LRRIQ1: variants seen among roughly 807,000 people sequenced by gnomAD.
LRRIQ1 encodes leucine-rich repeat- and IQ domain-containing protein 1.
A neutral mutation model predicts 211.9 loss-of-function variants in LRRIQ1; 210 were observed. The ratio of observed to expected loss-of-function variants is 0.99; its 90% CI spans 0.89 to 1.11. The LOEUF (loss-of-function observed/expected upper bound fraction) is 1.11, where lower values mean the gene tolerates loss of function less well. Ranked by LOEUF, LRRIQ1 falls within the 50% of genes most tolerant of loss-of-function variation. The pLI, the probability that LRRIQ1 is intolerant of heterozygous loss-of-function variation, is 0.00. For synonymous variants in LRRIQ1, 699 were observed against 650.1 expected, an observed-to-expected ratio of 1.08 and a Z score of -1.14; for missense variants, 2,136 against 1,939.5, an observed-to-expected ratio of 1.10 and a Z score of -1.90.
chr12:85,111,588 G>T (rs1007946741), intron 15 of LRRIQ1, among the ~76,000 whole-genome samples: 4 of 152,074 alleles, frequency 2.6e-5, no homozygotes, highest in Non-Finnish European at 5.9e-5. Context: ...CCTCTCACCT[G>T]CCACACTAAG....
intron 6 of LRRIQ1, among the ~76,000 whole-genome samples, chr12:85,050,749 C>G (rs1880206546): frequency 6.6e-6 from 1 of 152,142 alleles, no homozygotes; most frequent in African/African-American, 2.4e-5. Flanking sequence ...CACTGTCAGA[C>G]AACTATTTAT....
chr12:85,156,395 G>A (rs528788894), intron 23 of LRRIQ1, among the ~76,000 whole-genome samples: 1 of 151,868 alleles, frequency 6.6e-6, no homozygotes, highest in Admixed American at 6.6e-5. Flanking sequence ...AAATCTGAGA[G>A]ATATTTTCTA....
chr12:85,189,867 T>G (rs1323630257), intron 24 of LRRIQ1, among the ~76,000 whole-genome samples: 1 of 144,560 alleles, frequency 6.9e-6, no homozygotes, highest in Admixed American at 7.1e-5. Context: ...ATTTATATAT[T>G]TATATAAGAT....
chr12:85,094,100 G>T (rs1218707416), intron 11 of LRRIQ1, among the ~76,000 whole-genome samples: 1 of 152,188 alleles, frequency 6.6e-6, no homozygotes, highest in African/African-American at 2.4e-5. Flanking sequence ...TCCTGAGTTT[G>T]CCAGAAAAGC....
At chr12:85,228,775 C>T (rs1455527066) in intron 24 of LRRIQ1, among the ~76,000 whole-genome samples, 1 of 152,118 alleles carries the variant, frequency 6.6e-6, no homozygotes, top group Non-Finnish European at 1.5e-5. Context: ...AATATGTAGA[C>T]TTTTTATGTA....
At chr12:85,093,573 T>C (rs1885602474) in intron 11 of LRRIQ1, among the ~76,000 whole-genome samples, 1 of 152,154 alleles carries the variant, frequency 6.6e-6, no homozygotes, top group South Asian at 2.1e-4. Flanking sequence ...ACTCCAAAGA[T>C]TTATTTTAGA....
At chr12:85,236,849 A>ATATATATATATATATC (rs1895207830) in intron 26 of LRRIQ1, among the ~76,000 whole-genome samples, 1 of 143,588 alleles carries the variant, frequency 7.0e-6, no homozygotes, top group Non-Finnish European at 1.5e-5. Flanking sequence ...ATATATATAT[A>ATATATATATATATATC]TATATATCTC....
At chr12:85,041,878 C>A (rs1225601382) in intron 3 of LRRIQ1, among the ~76,000 whole-genome samples, 3 of 151,606 alleles carry the variant, frequency 2.0e-5, no homozygotes, top group Non-Finnish European at 4.4e-5. Context: ...ATATTCTGGA[C>A]ATTATTTTAA....
intron 11 of LRRIQ1, among the ~76,000 whole-genome samples, chr12:85,084,480 A>T (rs1656515446): frequency 6.6e-6 from 1 of 152,068 alleles, no homozygotes; most frequent in African/African-American, 2.4e-5. Context: ...TGATAATAAT[A>T]CTTATTATTG....
rs1012268263 is a variant in LRRIQ1 at position 85,120,473 on chromosome 12, A to G, written c.3378-1224A>G. ...TGAAATCAGTTAGTGTCAGTCTTCT[A>G]ACTGTTGTTTTCCTTCAATATTGAG... On this transcript the variant is annotated intron_variant, in intron 15 of 26. Transcript: ENST00000393217. 2.6e-5 allele frequency among the ~76,000 whole-genome samples: 4 copies of G among 152,200 alleles called. No homozygotes were observed. The South Asian group carries it at 6.2e-4, about 24-fold the overall frequency.
chr12:85,106,632 G>T lies in LRRIQ1; in HGVS notation c.3377+17G>T. On this transcript the variant is annotated intron_variant, in intron 15 of 26. Transcript: ENST00000393217. ...AAACTGGAGGTAAAGAGGCATTGTT[G>T]CACCCCATGTATATCCATTATTATA... 1 of 1,518,596 alleles carries T rather than the reference G, an allele frequency of 6.6e-7. No individual in the cohort carries two copies. Among genetic ancestry groups the T allele is most frequent in the Non-Finnish European group, 9.1e-7 (1 of 1,095,300 alleles). 94.1% of individuals were successfully genotyped at this position (1,518,596 alleles called of 1,614,324 possible).
Position 85,098,379 on chromosome 12 carries a change from T to G in LRRIQ1, c.2912T>G (p.Leu971Arg). The G allele has an allele frequency of 6.2e-7, 1 of 1,608,560 alleles. No homozygotes were observed. Among genetic ancestry groups the G allele is most frequent in the Non-Finnish European group, 8.5e-7 (1 of 1,177,228 alleles). The change falls in exon 12 of 27, where the codon CTT (leucine) becomes CGT (arginine). Residue 971 changes from leucine to arginine, a missense_variant. Coordinates refer to ENST00000393217, the MANE Select transcript of LRRIQ1 (RefSeq NM_001079910.2). ...WNCGLESLKN[L>R]QQLILDHNQL... The stretch of plus-strand genomic sequence containing the variant: ...GGTGGTTTAGAATCTTTGAAAAATC[T>G]TCAACAACTAATTTTGGACCACAAT...
chr12:85,250,925 TTA>T lies in LRRIQ1; in HGVS notation c.121+6022_121+6023del, dbSNP rs1895914295. ...TATTATATATAATATATTTTATATA[TTA>T]TATATTATATATAATATATTTTATA... On this transcript the variant is annotated intron_variant, in intron 1 of 1. Coordinates refer to the LRRIQ1 transcript ENST00000602731. Among the ~76,000 whole-genome samples the T allele has an allele frequency of 9.2e-5, 7 of 76,358 alleles. 1 individual carries two copies. The South Asian group carries it at 1.6e-3, about 17-fold the overall frequency. 50.1% of individuals were successfully genotyped at this position (76,358 alleles called of 152,430 possible). A position where few individuals can be genotyped will look rare whatever the true frequency, so the allele number is the denominator to read the frequency against.
At chr12:85,193,296 C>T (rs1434385462) in intron 24 of LRRIQ1, among the ~76,000 whole-genome samples, 2 of 116,248 alleles carry the variant, frequency 1.7e-5, no homozygotes, top group Non-Finnish European at 3.4e-5. Context: ...GGCAGGCCAA[C>T]GTTCAGATTC....
chr12:85,176,860 AT>A (rs1161932584), intron 24 of LRRIQ1, among the ~76,000 whole-genome samples: 2 of 152,278 alleles, frequency 1.3e-5, no homozygotes, highest in African/African-American at 4.8e-5. Context: ...TAAATTACTT[AT>A]GCCTAAAATG....
chr12:85,223,511 G>A (rs1219525423), intron 24 of LRRIQ1, among the ~76,000 whole-genome samples: 1 of 152,138 alleles, frequency 6.6e-6, no homozygotes, highest in Non-Finnish European at 1.5e-5. Context: ...GATATTATTT[G>A]TGAAAAACAA....
chr12:85,201,940 TCCCTCCTAAC>T (rs1893320411), intron 24 of LRRIQ1, among the ~76,000 whole-genome samples: 1 of 152,140 alleles, frequency 6.6e-6, no homozygotes, highest in Admixed American at 6.5e-5. Flanking sequence ...GCTATAAACT[TCCCTCCTAAC>T]ACTGTCTTAG....
intron 19 of LRRIQ1, among the ~76,000 whole-genome samples, chr12:85,150,613 A>G (rs1890175946): frequency 6.6e-6 from 1 of 151,654 alleles, no homozygotes; most frequent in African/African-American, 2.4e-5. Flanking sequence ...TTCCAAAAGT[A>G]CCAAAGCATA....
intron 16 of LRRIQ1, among the ~76,000 whole-genome samples, chr12:85,122,263 G>A (rs984367137): frequency 2.0e-5 from 3 of 152,120 alleles, no homozygotes; most frequent in African/African-American, 7.2e-5. Context: ...AGAATAGAGT[G>A]AGGTAAGTTT....
Sources: allele counts gnomAD v4.1 joint callset (sites outside exome capture counted in the v4.1 genomes callset), GRCh38; gene constraint gnomAD v4.1.1; transcripts MANE v1.5; gene names NCBI Gene and HGNC (gene_info 2026-07-23, HGNC 2026-07-21).